TMEM132D: variants seen among roughly 807,000 people sequenced by gnomAD.
The protein encoded by TMEM132D is transmembrane protein 132D.
TMEM132D carries 21 observed loss-of-function variants against 62.3 expected under a neutral mutation model. The ratio of observed to expected loss-of-function variants is 0.34; its 90% confidence interval spans 0.24 to 0.49. The LOEUF (loss-of-function observed/expected upper bound fraction) is 0.49. Ranked by LOEUF, TMEM132D falls within the 20% of genes least tolerant of loss-of-function variation. The pLI is 0.99. For missense variants in TMEM132D, 1,346 were observed against 1,402.8 expected, an observed-to-expected ratio of 0.96 and a Z score of 0.65; for synonymous variants, 621 against 575.6, an observed-to-expected ratio of 1.08 and a Z score of -1.13.
chr12:129,350,783 C>T (rs552413248), intron 3 of TMEM132D, among the ~76,000 whole-genome samples: 1 of 152,194 alleles, frequency 6.6e-6, no homozygotes, highest in South Asian at 2.1e-4. Flanking sequence ...AACATAATCC[C>T]TCTTTTCCCA....
intron 3 of TMEM132D, among the ~76,000 whole-genome samples, chr12:129,437,778 TG>T (rs1872826926): frequency 6.6e-6 from 1 of 151,998 alleles, no homozygotes; most frequent in Non-Finnish European, 1.5e-5. Context: ...CTGGGATACA[TG>T]TGCAGAACGT....
chr12:129,733,312 T>C (rs951573867), intron 1 of TMEM132D, among the ~76,000 whole-genome samples: 1 of 152,108 alleles, frequency 6.6e-6, no homozygotes, highest in African/African-American at 2.4e-5. Flanking sequence ...GTGCTAACTC[T>C]TGGTAGTTAG....
At chr12:129,080,135 T>C (rs1299686177) in intron 7 of TMEM132D, among the ~76,000 whole-genome samples, 2 of 152,206 alleles carry the variant, frequency 1.3e-5, no homozygotes, top group African/African-American at 4.8e-5. Flanking sequence ...GAGACAGATA[T>C]GTTTTGTCTG....
intron 4 of TMEM132D, among the ~76,000 whole-genome samples, chr12:129,331,815 G>C (rs977649355): frequency 6.6e-6 from 1 of 152,176 alleles, no homozygotes; most frequent in African/African-American, 2.4e-5. Context: ...CAAAACTCAG[G>C]AGGCAGTTAG....
chr12:129,570,399 T>A (rs1341690519), intron 2 of TMEM132D, among the ~76,000 whole-genome samples: 1 of 152,100 alleles, frequency 6.6e-6, no homozygotes, highest in East Asian at 1.9e-4. Context: ...GAGACAAGGA[T>A]TCGCGTGCAG....
At chr12:129,506,596 C>A (rs945330063) in intron 3 of TMEM132D, among the ~76,000 whole-genome samples, 2 of 152,026 alleles carry the variant, frequency 1.3e-5, no homozygotes, top group African/African-American at 4.8e-5. Flanking sequence ...CAAAGAAAAA[C>A]ATAAAGTGGG....
intron 3 of TMEM132D, among the ~76,000 whole-genome samples, chr12:129,368,584 T>C (rs1050254984): frequency 1.3e-5 from 2 of 152,164 alleles, no homozygotes; most frequent in Admixed American, 6.5e-5. Flanking sequence ...TTACTTATTA[T>C]TATTATTTTT....
At chr12:129,337,441 G>GCACACGCACA in intron 4 of TMEM132D, among the ~76,000 whole-genome samples, 193 bp downstream of exon 4, 1 of 148,112 alleles carries the variant, frequency 6.8e-6, no homozygotes, top group Non-Finnish European at 1.5e-5. Context: ...ATACACACAC[G>GCACACGCACA]CACACACACA....
At chr12:129,513,849 T>TTTATTTAC (rs1336434054) in intron 3 of TMEM132D, among the ~76,000 whole-genome samples, 5 of 142,120 alleles carry the variant, frequency 3.5e-5, no homozygotes, top group African/African-American at 8.0e-5. Flanking sequence ...TATTTATTTA[T>TTTATTTAC]TTTTTTGAGA....
At position 129,371,697 on chromosome 12, in the gene TMEM132D, GTGATGATAGTGATGGTGA is replaced by G. The variant is rs1870608852; in HGVS notation, c.1116-33898_1116-33881del. ...TGATGATGATGGTGACAATGATGATGTGATGATAGTGATGGTGATGATGATGGGGTGTTTAGAACTGGA... is the reference window on the plus strand; with the variant it reads ...TGATGATGATGGTGACAATGATGATGTGATGATGGGGTGTTTAGAACTGGA... On this transcript the variant is annotated intron_variant, in intron 3 of 8. Coordinates refer to ENST00000422113, the MANE Select transcript of TMEM132D (RefSeq NM_133448.3). This position sits in a 1 kb window ranked among gnomAD's most constrained non-coding sequence, Gnocchi z 4.3. Among the ~76,000 whole-genome samples the G allele has an allele frequency of 6.6e-6, 1 of 152,022 alleles. No individual in the cohort carries two copies. Among genetic ancestry groups the G allele is most frequent in the African/African-American group, 2.4e-5 (1 of 41,382 alleles).
intron 1 of TMEM132D, among the ~76,000 whole-genome samples, chr12:129,832,076 A>G: frequency 8.0e-6 from 1 of 125,038 alleles, no homozygotes; most frequent in African/African-American, 3.2e-5. Context: ...TTTAGTAGAG[A>G]CGAGGTTTCA....
At chr12:129,858,929 G>C (rs71466461) in intron 1 of TMEM132D, among the ~76,000 whole-genome samples, 1 of 118,290 alleles carries the variant, frequency 8.5e-6, no homozygotes, top group Non-Finnish European at 1.8e-5. Flanking sequence ...CCCTTGTAAC[G>C]GAGTCCGGGG....
intron 4 of TMEM132D, among the ~76,000 whole-genome samples, chr12:129,275,703 G>A (rs898939068): frequency 2.6e-5 from 4 of 152,192 alleles, no homozygotes; most frequent in African/African-American, 7.2e-5. Context: ...CCGGGCTCAG[G>A]TCCCATGTGA....
chr12:129,577,187 G>C lies in TMEM132D; in HGVS notation c.969-45982C>G, dbSNP rs535019975. On this transcript the variant is annotated intron_variant, in intron 2 of 8. Transcript: ENST00000422113. Reference sequence around the variant, plus strand: ...TTTTATTGTGATATGCAATTTACTGGAGATGAACTGCCCATGCCAAGATGG... The same window carrying C: ...TTTTATTGTGATATGCAATTTACTGCAGATGAACTGCCCATGCCAAGATGG... 7.2e-5 allele frequency among the ~76,000 whole-genome samples: 11 copies of C among 151,904 alleles called. No individual in the cohort carries two copies. The East Asian group carries it at 2.1e-3, about 29-fold the overall frequency.
intron 1 of TMEM132D, among the ~76,000 whole-genome samples, chr12:129,843,863 G>A (rs1210721989): frequency 1.3e-5 from 2 of 151,996 alleles, no homozygotes; most frequent in Non-Finnish European, 2.9e-5. Flanking sequence ...CCGAGGTGGG[G>A]GGATTGCTTG....
chr12:129,621,054 G>A (rs934021305), intron 2 of TMEM132D, among the ~76,000 whole-genome samples: 18 of 152,252 alleles, frequency 1.2e-4, no homozygotes, highest in African/African-American at 3.4e-4. Flanking sequence ...GTCTTCCCAC[G>A]TGGTTCCAAG....
At chr12:129,579,391 C>T (rs1877777273) in intron 2 of TMEM132D, among the ~76,000 whole-genome samples, 1 of 152,150 alleles carries the variant, frequency 6.6e-6, no homozygotes, top group South Asian at 2.1e-4. Context: ...GGAGAACTGA[C>T]TTACACAACC....
intron 2 of TMEM132D, among the ~76,000 whole-genome samples, chr12:129,557,607 T>C (rs143929838): frequency 2.0e-4 from 31 of 152,212 alleles, no homozygotes; most frequent in African/African-American, 7.2e-4. Context: ...TCCCAGCTAC[T>C]TGGGAGGCTG....
chr12:129,569,786 A>C (rs1565907190), intron 2 of TMEM132D, among the ~76,000 whole-genome samples: 1 of 152,148 alleles, frequency 6.6e-6, no homozygotes, highest in Non-Finnish European at 1.5e-5. Context: ...TGAGAACTGA[A>C]ATCTGCAAAC....
Sources: gnomAD v4.1 joint callset for allele counts (sites outside exome capture counted in the v4.1 genomes callset) on GRCh38, gnomAD v4.1.1 for gene constraint, Gnocchi (gnomAD v3.1) non-coding constraint, MANE v1.5 for transcripts, NCBI Gene and HGNC (gene_info 2026-07-23, HGNC 2026-07-21) for gene names.